NEDD4L: variants seen among roughly 807,000 people sequenced by gnomAD.
NEDD4L encodes E3 ubiquitin-protein ligase NEDD4-like.
A neutral mutation model predicts 148.9 loss-of-function variants in NEDD4L; 54 were observed. The observed-to-expected ratio is 0.36, with a 90% confidence interval of 0.29 to 0.45. NEDD4L has a LOEUF of 0.45. Ranked by LOEUF, NEDD4L falls within the 20% of genes least tolerant of loss-of-function variation. The pLI, the probability that NEDD4L is intolerant of heterozygous loss-of-function variation, is 1.00. For synonymous variants in NEDD4L, 433 were observed against 440.7 expected, an observed-to-expected ratio of 0.98 and a Z score of 0.22; for missense variants, 856 against 1,233.8, an observed-to-expected ratio of 0.69 and a Z score of 4.59.
chr18:58,311,620 G>A (rs1414053338), intron 5 of NEDD4L, among the ~76,000 whole-genome samples: 1 of 152,222 alleles, frequency 6.6e-6, no homozygotes, highest in East Asian at 1.9e-4. Flanking sequence ...GAAAGGAATA[G>A]GGTGGGGTGG....
At position 58,343,040 on chromosome 18, in the gene NEDD4L, A is replaced by G. The variant is rs1293399503; in HGVS notation, c.1512A>G (p.Glu504=). The part of the protein sequence containing the change: ...VTQSFLPPGW[E]MRIAPNGRPF... ...AGAGCTTCTTGCCACCCGGCTGGGA[A>G]ATGAGGATAGCGCCAAACGGCCGGC... Residue 504 remains glutamate (E), a synonymous_variant, in exon 16 of 31, where the codon GAA becomes GAG. Transcript: ENST00000400345. 6.2e-7 allele frequency: 1 copy of G among 1,613,418 alleles called. No individual in the cohort carries two copies.
At position 58,076,568 on chromosome 18, in the gene NEDD4L, G is replaced by A. The variant is rs568844093; in HGVS notation, c.48+31860G>A. Among the ~76,000 whole-genome samples, 36 of 152,222 alleles carry A rather than the reference G, an allele frequency of 2.4e-4. 1 individual carries two copies. In the South Asian group the frequency reaches 6.4e-3, roughly 27 times the overall value. ...AGACTTTTTAAAAATCCTGTTTGAG[G>A]TTTGGATCCATTTTCTTTCATTTTT... On this transcript the variant is annotated intron_variant, in intron 1 of 30. Transcript: ENST00000400345.
chr18:58,228,888 G>A (rs776540736), intron 2 of NEDD4L, among the ~76,000 whole-genome samples: 9 of 152,250 alleles, frequency 5.9e-5, no homozygotes, highest in Non-Finnish European at 8.8e-5. Flanking sequence ...TGCAAAGTGA[G>A]TGGTATTTGA....
intron 2 of NEDD4L, among the ~76,000 whole-genome samples, chr18:58,214,497 C>G (rs925633408): frequency 6.6e-6 from 1 of 152,112 alleles, no homozygotes; most frequent in Non-Finnish European, 1.5e-5. Context: ...ATAACAGCGC[C>G]TATCTGTTAC....
intron 1 of NEDD4L, among the ~76,000 whole-genome samples, chr18:58,158,932 GTGTC>G (rs1468975991): frequency 6.6e-6 from 1 of 152,186 alleles, no homozygotes; most frequent in East Asian, 1.9e-4. Context: ...GAGAGAGAAT[GTGTC>G]TGGTTCAGTT....
At chr18:58,217,329 C>A (rs537996735) in intron 2 of NEDD4L, among the ~76,000 whole-genome samples, 42 of 152,188 alleles carry the variant, frequency 2.8e-4, no homozygotes, top group Non-Finnish European at 4.9e-4. Flanking sequence ...CTCCAAGTGT[C>A]CTAGTTTCTC....
intron 2 of NEDD4L, among the ~76,000 whole-genome samples, chr18:58,211,971 G>A (rs566343): frequency 0.45 from 68,614 of 151,912 alleles, 17,190 homozygotes; most frequent in African/African-American, 0.69. Flanking sequence ...TCAGTAATAA[G>A]TCCCGGAATC....
intron 1 of NEDD4L, among the ~76,000 whole-genome samples, chr18:58,117,049 C>G (rs760680402): frequency 5.3e-5 from 8 of 152,180 alleles, no homozygotes; most frequent in South Asian, 2.1e-4. Context: ...CTTAACATAC[C>G]TGGGAGAAAG....
chr18:58,158,596 A>G (rs1347519253), intron 1 of NEDD4L, among the ~76,000 whole-genome samples: 1 of 152,206 alleles, frequency 6.6e-6, no homozygotes, highest in Non-Finnish European at 1.5e-5. Flanking sequence ...TAGGTTGCAC[A>G]GAATCCCACA....
intron 1 of NEDD4L, among the ~76,000 whole-genome samples, chr18:58,139,921 T>A (rs2146113669): frequency 6.6e-6 from 1 of 152,292 alleles, no homozygotes; most frequent in South Asian, 2.1e-4. Context: ...ATGTTAAGGC[T>A]CCTAGACTTA....
At chr18:58,107,995 C>T (rs535509609) in intron 1 of NEDD4L, among the ~76,000 whole-genome samples, 20 of 152,252 alleles carry the variant, frequency 1.3e-4, no homozygotes, top group Non-Finnish European at 7.4e-5. Flanking sequence ...ACTGGGATTA[C>T]AGGCATGAGC....
At chr18:58,051,179 G>T (rs2081852106) in intron 1 of NEDD4L, among the ~76,000 whole-genome samples, 1 of 152,026 alleles carries the variant, frequency 6.6e-6, no homozygotes, top group African/African-American at 2.4e-5. Flanking sequence ...GATGGCTTGA[G>T]CCTGGGAGGT....
chr18:58,316,891 T>C (rs1380662606), intron 6 of NEDD4L, among the ~76,000 whole-genome samples: 3 of 152,258 alleles, frequency 2.0e-5, no homozygotes, highest in Non-Finnish European at 4.4e-5. Context: ...CATTGTGTTA[T>C]TTTTTTAAAT....
intron 1 of NEDD4L, among the ~76,000 whole-genome samples, chr18:58,088,182 C>G (rs1281113119): frequency 6.6e-6 from 1 of 152,166 alleles, no homozygotes; most frequent in East Asian, 1.9e-4. Flanking sequence ...ATTCAGGAGA[C>G]CAGGGGAAAG....
At chr18:58,091,792 A>G (rs2084086631) in intron 1 of NEDD4L, among the ~76,000 whole-genome samples, 1 of 152,216 alleles carries the variant, frequency 6.6e-6, no homozygotes, top group African/African-American at 2.4e-5. Flanking sequence ...GCACTGTGGC[A>G]TGAGAGTTTG....
At chr18:58,096,346 TATTTATTTTA>T (rs1399044351) in intron 1 of NEDD4L, among the ~76,000 whole-genome samples, 13 of 142,180 alleles carry the variant, frequency 9.1e-5, no homozygotes, top group African/African-American at 3.2e-4. Context: ...TATTTTATTT[TATTTATTTTA>T]TTTTATTTTA....
At chr18:58,057,323 A>G (rs992489895) in intron 1 of NEDD4L, among the ~76,000 whole-genome samples, 5 of 151,926 alleles carry the variant, frequency 3.3e-5, no homozygotes, top group African/African-American at 1.2e-4. Flanking sequence ...TGAACCTGCA[A>G]TGGGCAAGAA....
intron 24 of NEDD4L, among the ~76,000 whole-genome samples, chr18:58,379,963 C>T (rs1010770060): frequency 3.3e-5 from 5 of 152,028 alleles, no homozygotes; most frequent in African/African-American, 1.2e-4. Flanking sequence ...CAGAGAAACC[C>T]AGGGTCAGAA....
chr18:58,297,880 G>T (rs151074902), intron 5 of NEDD4L, among the ~76,000 whole-genome samples: 2 of 152,064 alleles, frequency 1.3e-5, no homozygotes, highest in African/African-American at 4.8e-5. Context: ...ATAATTTGTC[G>T]CTGTCTCCGA....
Sources: gnomAD v4.1 joint callset for allele counts (sites outside exome capture counted in the v4.1 genomes callset) on GRCh38, gnomAD v4.1.1 for gene constraint, MANE v1.5 for transcripts, NCBI Gene and HGNC (gene_info 2026-07-23, HGNC 2026-07-21) for gene names.